Variants in CSF2RA observed in about 807,000 individuals in gnomAD.
CSF2RA encodes the protein granulocyte-macrophage colony-stimulating factor receptor subunit alpha.
Under a neutral mutation model 51.6 loss-of-function variants are expected in CSF2RA, and 42 were observed. The observed-to-expected ratio is 0.81, with a 90% CI of 0.64 to 1.05. The LOEUF (loss-of-function observed/expected upper bound fraction) is 1.05, where lower values mean the gene tolerates loss of function less well. Among genes scored for constraint, CSF2RA ranks in the 50% least tolerant of loss-of-function variants. CSF2RA has a pLI of 0.00. For missense variants in CSF2RA, 530 were observed against 501.1 expected, an observed-to-expected ratio of 1.06 and a Z score of -0.55; for synonymous variants, 222 against 193.0, an observed-to-expected ratio of 1.15 and a Z score of -1.24.
At chrX:1,316,110 T>C in the CSF2RA span, among the ~76,000 whole-genome samples, 1 of 127,368 alleles carries the variant, frequency 7.9e-6, no homozygotes, top group East Asian at 2.8e-4. Context: ...GACACATAGA[T>C]ACATAGATAC....
downstream of CSF2RA, among the ~76,000 whole-genome samples, chrX:1,314,281 C>A (rs112095542): frequency 0.58 from 22,811 of 39,516 alleles, 7,686 homozygotes; most frequent in East Asian, 0.69. Flanking sequence ...CTGCCCAACC[C>A]CACTGCATCT....
At chrX:1,291,220 C>G (rs1220487711) in intron 7 of CSF2RA, among the ~76,000 whole-genome samples, 1 of 151,712 alleles carries the variant, frequency 6.6e-6, no homozygotes, top group Non-Finnish European at 1.5e-5. Flanking sequence ...CTGCACCTGA[C>G]CTCCCTCTTT....
At chrX:1,323,036 G>A in the CSF2RA span, among the ~76,000 whole-genome samples, 1 of 151,942 alleles carries the variant, frequency 6.6e-6, no homozygotes, top group Non-Finnish European at 1.5e-5. Context: ...GGCTGAGGCA[G>A]GAGAATGGCG....
the CSF2RA span, among the ~76,000 whole-genome samples, chrX:1,317,246 C>CCTTTTTTT: frequency 2.9e-3 from 168 of 57,838 alleles, 6 homozygotes; most frequent in African/African-American, 0.012. Flanking sequence ...CCACGCTCAG[C>CCTTTTTTT]TTTTTTTTTT....
chrX:1,304,048 A>C (rs1464502495), intron 11 of CSF2RA, 29 bp downstream of exon 11: 10 of 1,575,910 alleles, frequency 6.3e-6, no homozygotes, highest in Non-Finnish European at 8.7e-6. Context: ...GGGCCTCCCC[A>C]ATGAAAACAG....
At chrX:1,302,662 G>A (rs117441063) in intron 10 of CSF2RA, among the ~76,000 whole-genome samples, 114 of 143,814 alleles carry the variant, frequency 7.9e-4, no homozygotes, top group African/African-American at 2.6e-3. Context: ...CATGCATCAC[G>A]CTTGGCCAAT....
chrX:1,280,892 C>CCTCCTCCTCCTT (rs2089859299), intron 2 of CSF2RA, among the ~76,000 whole-genome samples: 3 of 135,968 alleles, frequency 2.2e-5, no homozygotes, highest in East Asian at 2.5e-4. Context: ...TCCTTCTCCT[C>CCTCCTCCTCCTT]CTCCTCCTCC....
At chrX:1,291,840 C>T (rs2091431930) in intron 7 of CSF2RA, among the ~76,000 whole-genome samples, 1 of 150,038 alleles carries the variant, frequency 6.7e-6, no homozygotes, top group Non-Finnish European at 1.5e-5. Flanking sequence ...GGAGACTGCA[C>T]CACCTCCACC....
chrX:1,302,054 T>C lies in CSF2RA; in HGVS notation c.946+1428T>C, dbSNP rs535608742. Reference sequence around the variant, plus strand: ...GCCTCAGTCTCCCGAGTAGCTGGGATTACAGGCGCCCGCCACCACACCCGG... The same window carrying C: ...GCCTCAGTCTCCCGAGTAGCTGGGACTACAGGCGCCCGCCACCACACCCGG... On this transcript the variant is annotated intron_variant, in intron 10 of 12. Transcript: ENST00000381529. 3.0e-3 allele frequency among the ~76,000 whole-genome samples: 450 copies of C among 151,492 alleles called. 3 individuals are homozygous for C. Among genetic ancestry groups the C allele is most frequent in the African/African-American group, 0.01 (426 of 41,298 alleles).
chrX:1,289,129 A>G lies in CSF2RA; in HGVS notation c.473+241A>G, dbSNP rs1397397620. The G allele has an allele frequency of 5.4e-6, 3 of 559,596 alleles. No individual in the cohort carries two copies. In the African/African-American group the frequency reaches 5.7e-5, roughly 11 times the overall value. The allele number at this position is 559,596 out of a possible 1,614,324, so 34.7% of individuals were successfully genotyped here. A position where few individuals can be genotyped will look rare whatever the true frequency, so the allele number is the denominator to read the frequency against. ...GGCGCCCGCCACCACACCAGGCCAC[A>G]TCTATGTATTTAGAGACAGAGTCTT... On this transcript the variant is annotated intron_variant, in intron 6 of 12. Coordinates refer to ENST00000381529, the MANE Select transcript of CSF2RA (RefSeq NM_172245.4).
intron 12 of CSF2RA, 55 bp downstream of exon 12, chrX:1,305,582 C>T (rs751819996): frequency 1.9e-6 from 3 of 1,613,870 alleles, no homozygotes; most frequent in Non-Finnish European, 1.7e-6. Context: ...GAGTGGGGAG[C>T]GTGGGACACG....
chrX:1,314,991 A>AACCCCACTGTG (rs1569515189), downstream of CSF2RA, among the ~76,000 whole-genome samples: 13 of 102,226 alleles, frequency 1.3e-4, no homozygotes, highest in Admixed American at 9.4e-5. Flanking sequence ...ATCGCACTGC[A>AACCCCACTGTG]CCTGCCCAAC....
At chrX:1,310,148 T>C (rs28824618), downstream of CSF2RA, 27,762 of 226,696 alleles carry the variant, frequency 0.12, 5,185 homozygotes, top group African/African-American at 0.48. Context: ...GATTGCACCG[T>C]TGCACTCCAG....
At chrX:1,300,135 T>G in intron 9 of CSF2RA, 2 of 221,058 alleles carry the variant, frequency 9.0e-6, no homozygotes, top group South Asian at 1.3e-4. Flanking sequence ...AGGAGAATGG[T>G]GTGAACCCTG....
At chrX:1,301,427 G>A (rs1176589235) in intron 10 of CSF2RA, among the ~76,000 whole-genome samples, 1 of 151,140 alleles carries the variant, frequency 6.6e-6, no homozygotes. Context: ...TTTTTTTCAG[G>A]GTGGATGAGC....
chrX:1,318,852 G>C, the CSF2RA span, among the ~76,000 whole-genome samples: 1,547 of 148,876 alleles, frequency 0.01, 43 homozygotes, highest in African/African-American at 0.037. Context: ...GGGAGGCGGA[G>C]CTTGCAGTGA....
chrX:1,321,963 C>T, the CSF2RA span, among the ~76,000 whole-genome samples: 1 of 151,948 alleles, frequency 6.6e-6, no homozygotes, highest in Non-Finnish European at 1.5e-5. Flanking sequence ...TGGTGAAACC[C>T]CTTTTCCACT....
At chrX:1,322,609 C>T in the CSF2RA span, among the ~76,000 whole-genome samples, 2 of 151,428 alleles carry the variant, frequency 1.3e-5, no homozygotes, top group South Asian at 2.1e-4. Context: ...TGTGGTCACG[C>T]GGCAGCTCTC....
intron 9 of CSF2RA, among the ~76,000 whole-genome samples, chrX:1,296,249 CCCCTAGTGTAA>C (rs1411903686): frequency 2.6e-5 from 4 of 150,964 alleles, no homozygotes; most frequent in Middle Eastern, 3.6e-3. Context: ...CTACTCACAA[CCCCTAGTGTAA>C]CCCTACAGTC....
Sources: gnomAD v4.1 joint callset for allele counts (sites outside exome capture counted in the v4.1 genomes callset) on GRCh38, gnomAD v4.1.1 for gene constraint, MANE v1.5 for transcripts, NCBI Gene and HGNC (gene_info 2026-07-23, HGNC 2026-07-21) for gene names.